Variants in NLGN1 observed in about 807,000 individuals in gnomAD.
NLGN1 encodes neuroligin-1.
Under a neutral mutation model 65.5 loss-of-function variants are expected in NLGN1, and 12 were observed. The ratio of observed to expected loss-of-function variants is 0.18; its 90% CI spans 0.12 to 0.30. NLGN1 has a LOEUF of 0.30. Among genes scored for constraint, NLGN1 ranks in the 10% least tolerant of loss-of-function variants. NLGN1 has a pLI of 1.00. For missense variants in NLGN1, 750 were observed against 1,007.1 expected (o/e 0.74, Z 3.46); for synonymous variants, 350 against 359.5 (o/e 0.97, Z 0.30).
rs114751685 is a variant in NLGN1, at chr3:174,196,813, T to G, written c.647-78502T>G. ...AAAATAGCTAACACAAGTAGAACTTTGCATACGCCAAGATTGTACTTGAAA... is the reference window on the plus strand; with the variant it reads ...AAAATAGCTAACACAAGTAGAACTTGGCATACGCCAAGATTGTACTTGAAA... On this transcript the variant is annotated intron_variant, in intron 4 of 6. Coordinates refer to ENST00000457714, the Ensembl canonical transcript of NLGN1. Among the ~76,000 whole-genome samples the G allele has an allele frequency of 5.7e-3, 862 of 152,334 alleles. 4 individuals are homozygous for G. The highest frequency in any genetic ancestry group is 0.02 in the African/African-American group (821 of 41,578).
chr3:173,685,808 G>A (rs2149801780), intron 3 of NLGN1: 3 of 984,966 alleles, frequency 3.0e-6, no homozygotes, highest in Non-Finnish European at 3.6e-6. Context: ...ACAATGAGAG[G>A]GTTGAATGTG....
At chr3:174,128,183 T>G (rs747174766) in intron 4 of NLGN1, among the ~76,000 whole-genome samples, 82 of 152,224 alleles carry the variant, frequency 5.4e-4, no homozygotes, top group Non-Finnish European at 9.3e-4. Context: ...ATTTTGATAG[T>G]CCCCTAAAAC....
intron 2 of NLGN1, among the ~76,000 whole-genome samples, chr3:173,488,334 A>G (rs1057139031): frequency 6.6e-6 from 1 of 151,680 alleles, no homozygotes; most frequent in Non-Finnish European, 1.5e-5. Flanking sequence ...ATTCTTGGCC[A>G]TTATTTTTTT....
chr3:174,261,213 T>A (rs1160871340), intron 4 of NLGN1, among the ~76,000 whole-genome samples: 1,658 of 151,892 alleles, frequency 0.011, 21 homozygotes, highest in African/African-American at 0.038. Flanking sequence ...TTTTTCCAAT[T>A]CTGTGAAGAA....
intron 4 of NLGN1, among the ~76,000 whole-genome samples, chr3:173,909,350 C>G (rs1206723354): frequency 6.6e-6 from 1 of 152,114 alleles, no homozygotes; most frequent in African/African-American, 2.4e-5. Context: ...CACTGCAGAT[C>G]ATTCTTTATC....
At chr3:173,882,223 T>C (rs1733477486) in intron 4 of NLGN1, among the ~76,000 whole-genome samples, 1 of 152,202 alleles carries the variant, frequency 6.6e-6, no homozygotes, top group South Asian at 2.1e-4. Flanking sequence ...GGCTTTGCTG[T>C]TCCATTTTTT....
At chr3:173,470,652 G>A (rs995255108) in intron 2 of NLGN1, among the ~76,000 whole-genome samples, 1 of 152,042 alleles carries the variant, frequency 6.6e-6, no homozygotes, top group Non-Finnish European at 1.5e-5. Context: ...AATTAAATGA[G>A]AGAACATTTC....
chr3:173,530,851 T>C (rs1358240736), intron 2 of NLGN1, among the ~76,000 whole-genome samples: 1 of 152,138 alleles, frequency 6.6e-6, no homozygotes, highest in African/African-American at 2.4e-5. Flanking sequence ...ATTTAAATGC[T>C]CTTTGCTTTA....
chr3:173,951,376 A>G (rs914950570), intron 4 of NLGN1, among the ~76,000 whole-genome samples: 2 of 152,132 alleles, frequency 1.3e-5, no homozygotes, highest in Non-Finnish European at 2.9e-5. Flanking sequence ...TAGTATATTA[A>G]TAACTCTGAA....
At chr3:173,480,918 G>T (rs1195894878) in intron 2 of NLGN1, among the ~76,000 whole-genome samples, 2 of 152,038 alleles carry the variant, frequency 1.3e-5, no homozygotes, top group African/African-American at 4.8e-5. Context: ...ATGAGTGTAC[G>T]TGTATGTGTG....
rs186539378 is a variant in NLGN1, at chr3:173,843,850, T to G, written c.646+36018T>G. ...AATTCCAAAGTCACTTCCCCATTTT[T>G]GGGTATCTTCTCAGCAACACCCCAC... On this transcript the variant is annotated intron_variant, in intron 4 of 6. Coordinates refer to ENST00000457714, the Ensembl canonical transcript of NLGN1. Among the ~76,000 whole-genome samples the G allele has an allele frequency of 1.7e-3, 256 of 152,326 alleles. 2 individuals are homozygous for G. Among genetic ancestry groups the G allele is most frequent in the Admixed American group, 0.016 (241 of 15,298 alleles).
intron 4 of NLGN1, among the ~76,000 whole-genome samples, chr3:173,994,366 A>T (rs1178082976): frequency 4.6e-5 from 7 of 151,398 alleles, no homozygotes; most frequent in African/African-American, 1.7e-4. Context: ...AAGTGCGGGG[A>T]TAACAGGCAC....
intron 3 of NLGN1, among the ~76,000 whole-genome samples, chr3:173,788,190 C>A (rs1578433201): frequency 9.0e-6 from 1 of 111,314 alleles, no homozygotes; most frequent in African/African-American, 3.5e-5. Flanking sequence ...GCTATAAACC[C>A]AGACTTGACA....
At chr3:174,270,120 CCTTTCTT>C (rs1749078719) in intron 4 of NLGN1, among the ~76,000 whole-genome samples, 1 of 94,186 alleles carries the variant, frequency 1.1e-5, no homozygotes, top group South Asian at 3.8e-4. Context: ...CTGTTGGTTT[CCTTTCTT>C]TTTTTTTTTT....
chr3:173,693,282 A>G (rs1054034941), intron 3 of NLGN1, among the ~76,000 whole-genome samples: 2 of 151,990 alleles, frequency 1.3e-5, no homozygotes. Context: ...TTTAATTGTG[A>G]AGTTAAAGGA....
intron 3 of NLGN1, among the ~76,000 whole-genome samples, chr3:173,784,623 G>C (rs1316263114): frequency 6.6e-6 from 1 of 152,098 alleles, no homozygotes; most frequent in African/African-American, 2.4e-5. Context: ...AGAGAGAGGA[G>C]AGAGAGACAG....
chr3:173,921,250 T>G (rs942436588), intron 4 of NLGN1, among the ~76,000 whole-genome samples: 3 of 147,602 alleles, frequency 2.0e-5, no homozygotes, highest in African/African-American at 7.4e-5. Flanking sequence ...GGTATATATA[T>G]GTAGTATATA....
chr3:174,110,437 A>T (rs1440715050), intron 4 of NLGN1, among the ~76,000 whole-genome samples: 1 of 151,994 alleles, frequency 6.6e-6, no homozygotes, highest in Non-Finnish European at 1.5e-5. Context: ...TGGATCCGAC[A>T]TCCAGAAAAA....
intron 4 of NLGN1, among the ~76,000 whole-genome samples, chr3:174,121,782 A>AT (rs751300708): frequency 2.0e-5 from 3 of 152,170 alleles, no homozygotes; most frequent in African/African-American, 4.8e-5. Flanking sequence ...AGCGTTCATC[A>AT]TTTAACTTAC....
Sources: allele counts gnomAD v4.1 joint callset (sites outside exome capture counted in the v4.1 genomes callset), GRCh38; gene constraint gnomAD v4.1.1; transcripts MANE v1.5; gene names NCBI Gene and HGNC (gene_info 2026-07-23, HGNC 2026-07-21).